The following SYNPO variants were observed in gnomAD, a reference collection of about 807,000 sequenced individuals.
The protein encoded by SYNPO is synaptopodin.
Under a neutral mutation model 49.5 loss-of-function variants are expected in SYNPO, and 19 were observed. The observed-to-expected ratio is 0.38, with a 90% CI of 0.27 to 0.56. The LOEUF (loss-of-function observed/expected upper bound fraction) is 0.56, where lower values mean the gene tolerates loss of function less well. SYNPO is among the 20% of genes least tolerant of loss of function. The pLI is 0.68. For missense variants in SYNPO, 1,131 were observed against 1,248.3 expected (o/e 0.91, Z 1.42); for synonymous variants, 536 against 548.0 (o/e 0.98, Z 0.31).
In SYNPO at chr5:150,647,949, G is replaced by C; in HGVS notation, c.-327G>C. 6.4e-7 allele frequency: 1 copy of C among 1,551,444 alleles called. No individual in the cohort carries two copies. The highest frequency in any genetic ancestry group is 8.7e-7 in the Non-Finnish European group (1 of 1,146,712). On this transcript the variant is annotated 5_prime_UTR_variant, in exon 2 of 3. Transcript: ENST00000307662. ...GCTTTTGTCCCTCCCTGTAGCGTTGGGCCGGAGCACTAGCCTCACGGAGAA... is the reference window on the plus strand; with the variant it reads ...GCTTTTGTCCCTCCCTGTAGCGTTGCGCCGGAGCACTAGCCTCACGGAGAA...
intron 2 of SYNPO, chr5:150,652,573 C>T (rs1581519584): frequency 8.4e-6 from 2 of 237,220 alleles, no homozygotes; most frequent in South Asian, 1.5e-4. Context: ...GAACCCTGTG[C>T]AAATCGCAAC....
At chr5:150,622,990 G>A (rs1374009781) in intron 2 of SYNPO, among the ~76,000 whole-genome samples, 2 of 152,150 alleles carry the variant, frequency 1.3e-5, no homozygotes, top group African/African-American at 4.8e-5. Context: ...ACACATGGAG[G>A]CCCTCAGACA....
intron 2 of SYNPO, chr5:150,624,663 A>G (rs1757288387): frequency 5.2e-6 from 1 of 192,516 alleles, no homozygotes; most frequent in Admixed American, 6.6e-5. Context: ...GGGAGCAGGC[A>G]GCAGGAGCAC....
At chr5:150,635,617 C>T (rs1185551098) in intron 2 of SYNPO, among the ~76,000 whole-genome samples, 1 of 152,114 alleles carries the variant, frequency 6.6e-6, no homozygotes, top group Non-Finnish European at 1.5e-5. Context: ...TACATGCATG[C>T]GCTACTATGC....
At position 150,648,772 on chromosome 5, in the gene SYNPO, C is replaced by A. The variant is rs1340176694; in HGVS notation, c.497C>A (p.Thr166Asn). 2 of 1,614,152 alleles carry A rather than the reference C, an allele frequency of 1.2e-6. No individual in the cohort carries two copies. The highest frequency in any genetic ancestry group is 1.3e-5 in the African/African-American group (1 of 74,954). Residue 166 changes from threonine (T) to asparagine (N), a missense_variant, in exon 2 of 3, where the codon ACC (threonine) becomes AAC (asparagine). Around this residue, in one of 4 missense-constraint regions of SYNPO, gnomAD observed 602 missense variants for 720.7 expected, o/e 0.84. Transcript: ENST00000307662. The surrounding 1 kb of genome is among the most constrained non-coding windows in gnomAD (Gnocchi z 5.0). ...GACAAGGTATCAACTCCAGCTACCA[C>A]CACCAGCACCTTCTCCAGAGAAGCT... ...LIDKVSTPATTTSTFSREATL... is the reference protein window; with the variant it reads ...LIDKVSTPATNTSTFSREATL...
At chr5:150,631,724 A>G (rs1449992333) in intron 2 of SYNPO, among the ~76,000 whole-genome samples, 1 of 151,842 alleles carries the variant, frequency 6.6e-6, no homozygotes, top group East Asian at 1.9e-4. Flanking sequence ...GACCCCATTC[A>G]TGCCCCCCCA....
At chr5:150,588,178 C>T in the SYNPO span, among the ~76,000 whole-genome samples, 1 of 152,170 alleles carries the variant, frequency 6.6e-6, no homozygotes, top group South Asian at 2.1e-4. Flanking sequence ...ACCCTGGGAG[C>T]TTCTGGGACC....
intron 1 of SYNPO, among the ~76,000 whole-genome samples, chr5:150,617,358 C>A (rs550548280): frequency 6.6e-6 from 1 of 152,048 alleles, no homozygotes; most frequent in Non-Finnish European, 1.5e-5. Flanking sequence ...TGCAATGGGG[C>A]GATCTCGGTT....
chr5:150,607,852 G>A (rs79681232), intron 1 of SYNPO, among the ~76,000 whole-genome samples: 1,843 of 151,788 alleles, frequency 0.012, 31 homozygotes, highest in African/African-American at 0.041. Context: ...TCCAAATAGC[G>A]TCATGTTAAC....
At chr5:150,591,749 T>C in the SYNPO span, among the ~76,000 whole-genome samples, 2,768 of 152,282 alleles carry the variant, frequency 0.018, 81 homozygotes, top group African/African-American at 0.063. Context: ...ACAATGTTGT[T>C]AAATTTTACC....
intron 1 of SYNPO, among the ~76,000 whole-genome samples, chr5:150,605,658 GCAAGCTCAC>G (rs1561631194): frequency 6.6e-6 from 1 of 152,058 alleles, no homozygotes; most frequent in Non-Finnish European, 1.5e-5. Context: ...GCCTGGAGCT[GCAAGCTCAC>G]TGGGGTTGTT....
At chr5:150,632,685 G>C (rs554182781) in intron 2 of SYNPO, among the ~76,000 whole-genome samples, 1 of 152,182 alleles carries the variant, frequency 6.6e-6, no homozygotes, top group Non-Finnish European at 1.5e-5. Context: ...GTGCTTGATG[G>C]TCCATAGCCC....
intron 2 of SYNPO, chr5:150,650,756 G>C (rs367766308): frequency 7.8e-7 from 1 of 1,289,414 alleles, no homozygotes; most frequent in Non-Finnish European, 9.9e-7. Context: ...TCAGCCAGCC[G>C]AGGGTCTGCC....
intron 1 of SYNPO, among the ~76,000 whole-genome samples, chr5:150,606,688 A>T (rs1756702025): frequency 6.6e-6 from 1 of 152,222 alleles, no homozygotes; most frequent in South Asian, 2.1e-4. Flanking sequence ...ACCTGCCCAC[A>T]GTCACAAGGG....
intron 2 of SYNPO, among the ~76,000 whole-genome samples, chr5:150,621,576 T>A (rs1757175266): frequency 6.6e-6 from 1 of 152,162 alleles, no homozygotes; most frequent in Admixed American, 6.5e-5. Flanking sequence ...TTCCTGCCAT[T>A]ACCGCCGAAG....
the SYNPO span, among the ~76,000 whole-genome samples, chr5:150,590,596 G>A: frequency 6.6e-6 from 1 of 152,210 alleles, no homozygotes; most frequent in South Asian, 2.1e-4. Context: ...TGCATCTGAG[G>A]GTGGCGCTTG....
At chr5:150,613,707 G>A (rs1756911273) in intron 1 of SYNPO, among the ~76,000 whole-genome samples, 1 of 152,184 alleles carries the variant, frequency 6.6e-6, no homozygotes, top group South Asian at 2.1e-4. Context: ...TTGGAGGAAT[G>A]AGGGTCTAGT....
intron 2 of SYNPO, chr5:150,618,832 C>CA (rs770335086): frequency 7.2e-6 from 11 of 1,533,470 alleles, no homozygotes; most frequent in Non-Finnish European, 3.5e-6. Flanking sequence ...GTCCTTAGTA[C>CA]AAGGGCTCCT....
the SYNPO span, among the ~76,000 whole-genome samples, chr5:150,586,599 T>C: frequency 7.2e-5 from 11 of 151,790 alleles, no homozygotes; most frequent in Non-Finnish European, 1.6e-4. Context: ...GATGGATGGA[T>C]GGATGGATGG....
Sources: gnomAD v4.1 joint callset for allele counts (sites outside exome capture counted in the v4.1 genomes callset) on GRCh38, gnomAD v4.1.1 for gene constraint, gnomAD v4.1.1 regional missense constraint, Gnocchi (gnomAD v3.1) non-coding constraint, MANE v1.5 for transcripts, NCBI Gene and HGNC (gene_info 2026-07-23, HGNC 2026-07-21) for gene names.